The following DRICH1 variants were observed in gnomAD, a reference collection of about 807,000 sequenced individuals.
DRICH1 encodes aspartate rich 1, also known as aspartate-rich protein 1.
A neutral mutation model predicts 39.5 loss-of-function variants in DRICH1; 38 were observed. That is an observed-to-expected ratio of 0.96 (90% CI 0.74 to 1.26). DRICH1 has a LOEUF of 1.26. DRICH1 is among the 50% of genes most tolerant of loss of function. DRICH1 has a pLI of 0.00. For synonymous variants in DRICH1, 84 were observed against 99.5 expected (o/e 0.84, Z 0.93); for missense variants, 279 against 270.4 (o/e 1.03, Z -0.22).
chr22:23,622,024 C>T lies in DRICH1; in HGVS notation c.384+67G>A, dbSNP rs142307186. The T allele has an allele frequency of 2.8e-3, 4,106 of 1,483,638 alleles. 73 individuals carry two copies. In the African/African-American group the frequency reaches 0.041, roughly 15 times the overall value. 91.9% of individuals were successfully genotyped at this position (1,483,638 alleles called of 1,614,324 possible). On this transcript the variant is annotated intron_variant, in intron 4 of 11. Transcript: ENST00000317749. ...CCTGAGTCCATTCTTTGGGATTGGA[C>T]TGGTGAGTTTGTTTCTCACATCAGA...
chr22:23,608,613 A>C lies in DRICH1; in HGVS notation c.*151T>G. 1.3e-6 allele frequency: 1 copy of C among 768,004 alleles called. No homozygotes were observed. The highest frequency in any genetic ancestry group is 2.2e-6 in the Non-Finnish European group (1 of 455,974). 47.6% of individuals were successfully genotyped at this position (768,004 alleles called of 1,614,324 possible). ...AACCTAGTGCTGGCGGTGGGTGGGA[A>C]GCAGCCTTGGACTTTTTCTCTCTGC... On this transcript the variant is annotated 3_prime_UTR_variant, in exon 12 of 12. Transcript: ENST00000317749.
chr22:23,618,865 AATATTGGTATAAG>A (rs1927536923), intron 6 of DRICH1, among the ~76,000 whole-genome samples: 1 of 152,144 alleles, frequency 6.6e-6, no homozygotes, highest in East Asian at 1.9e-4. Flanking sequence ...AGACATACAA[AATATTGGTATAAG>A]ATATCACAAA....
chr22:23,600,668 T>A, the DRICH1 span, among the ~76,000 whole-genome samples: 27 of 128,960 alleles, frequency 2.1e-4, no homozygotes, highest in Non-Finnish European at 2.4e-4. Context: ...GATTCGGCAA[T>A]TTTTTTTCTT....
chr22:23,592,394 G>C, the DRICH1 span, among the ~76,000 whole-genome samples: 7 of 109,466 alleles, frequency 6.4e-5, no homozygotes, highest in African/African-American at 1.5e-4. Context: ...AGCAAGACTG[G>C]GGGGGGGCGG....
At chr22:23,594,627 T>C in the DRICH1 span, among the ~76,000 whole-genome samples, 1 of 152,232 alleles carries the variant, frequency 6.6e-6, no homozygotes, top group Non-Finnish European at 1.5e-5. Context: ...TGACTACTCA[T>C]CTGTCAGAGT....
chr22:23,623,244 A>G (rs1450405001), intron 3 of DRICH1, among the ~76,000 whole-genome samples: 2 of 152,022 alleles, frequency 1.3e-5, no homozygotes, highest in Admixed American at 1.3e-4. Flanking sequence ...ATCTCTACTA[A>G]AAATACAAAA....
chr22:23,590,822 T>C, the DRICH1 span, among the ~76,000 whole-genome samples: 3 of 151,978 alleles, frequency 2.0e-5, no homozygotes, highest in Non-Finnish European at 4.4e-5. Flanking sequence ...GTTCACCATG[T>C]TGGCCAGGCT....
In DRICH1 at chr22:23,614,329, T is replaced by C. The variant is rs939057788; in HGVS notation, c.542-115A>G. On this transcript the variant is annotated intron_variant, in intron 8 of 11. Transcript: ENST00000317749. ...GGTTGATTAACAAGCATGGACTGAGTTGATGCTGGGCTATTCCCCTGAGTG... is the reference window on the plus strand; with the variant it reads ...GGTTGATTAACAAGCATGGACTGAGCTGATGCTGGGCTATTCCCCTGAGTG... The C allele has an allele frequency of 1.3e-5, 10 of 740,818 alleles. No individual in the cohort carries two copies. The African/African-American group carries it at 1.6e-4, about 12-fold the overall frequency. 45.9% of individuals were successfully genotyped at this position (740,818 alleles called of 1,614,324 possible).
chr22:23,597,691 GGGT>G, the DRICH1 span, among the ~76,000 whole-genome samples: 1 of 149,932 alleles, frequency 6.7e-6, no homozygotes, highest in Non-Finnish European at 1.5e-5. Flanking sequence ...GTCCTGGAAG[GGGT>G]AGGTAAGATC....
downstream of DRICH1, among the ~76,000 whole-genome samples, chr22:23,605,854 G>T (rs1276418639): frequency 2.0e-5 from 3 of 152,106 alleles, no homozygotes; most frequent in Admixed American, 2.0e-4. Context: ...GCCGGGGTGG[G>T]TGGATAACTT....
the DRICH1 span, among the ~76,000 whole-genome samples, chr22:23,600,097 C>CTG: frequency 6.6e-6 from 1 of 152,110 alleles, no homozygotes. Context: ...AGTAACTGTC[C>CTG]AGTCTGAAGT....
chr22:23,596,139 C>T, the DRICH1 span, among the ~76,000 whole-genome samples: 5 of 152,192 alleles, frequency 3.3e-5, no homozygotes, highest in Non-Finnish European at 7.3e-5. Context: ...GTCATTTCTC[C>T]GTGTTTCCCT....
At chr22:23,611,461 G>A (rs1006808805) in intron 11 of DRICH1, among the ~76,000 whole-genome samples, 17 of 147,630 alleles carry the variant, frequency 1.2e-4, no homozygotes, top group African/African-American at 4.3e-4. Flanking sequence ...GCATGATCTC[G>A]GCTCACTGCA....
the DRICH1 span, among the ~76,000 whole-genome samples, chr22:23,603,187 G>A: frequency 2.0e-5 from 3 of 150,962 alleles, no homozygotes; most frequent in African/African-American, 7.3e-5. Context: ...TTCTCGAAGT[G>A]GAATGACTTG....
downstream of DRICH1, chr22:23,608,388 T>C (rs1926850789): frequency 3.7e-6 from 1 of 267,142 alleles, no homozygotes; most frequent in Non-Finnish European, 7.2e-6. Context: ...GCCATCGATG[T>C]CATTGAGTGG....
chr22:23,585,818 G>A, the DRICH1 span, among the ~76,000 whole-genome samples: 22 of 152,124 alleles, frequency 1.4e-4, no homozygotes, highest in African/African-American at 4.6e-4. Context: ...CTGTGTGCCC[G>A]GCCATATATT....
At chr22:23,613,931 G>A (rs1341558358) in intron 9 of DRICH1, among the ~76,000 whole-genome samples, 1 of 152,198 alleles carries the variant, frequency 6.6e-6, no homozygotes, top group African/African-American at 2.4e-5. Flanking sequence ...TATTCCAGTT[G>A]ATAATGGATG....
the DRICH1 span, among the ~76,000 whole-genome samples, chr22:23,596,114 C>T: frequency 6.6e-6 from 1 of 152,184 alleles, no homozygotes; most frequent in Non-Finnish European, 1.5e-5. Flanking sequence ...ACAGAGTCTT[C>T]CACAGTGGGT....
chr22:23,597,414 C>A, the DRICH1 span, among the ~76,000 whole-genome samples: 1 of 135,258 alleles, frequency 7.4e-6, no homozygotes, highest in Admixed American at 7.7e-5. Flanking sequence ...AAGGTCAGTG[C>A]ATCTATTGAG....
Sources: allele counts gnomAD v4.1 joint callset (sites outside exome capture counted in the v4.1 genomes callset), GRCh38; gene constraint gnomAD v4.1.1; transcripts MANE v1.5; gene names NCBI Gene and HGNC (gene_info 2026-07-23, HGNC 2026-07-21).